GRM3: variants seen among roughly 807,000 people sequenced by gnomAD.
The protein encoded by GRM3 is glutamate metabotropic receptor 3, also known as metabotropic glutamate receptor 3.
In GRM3, 26 loss-of-function variants were observed where a neutral mutation model predicts 70.5. The observed-to-expected ratio is 0.37, with a 90% CI of 0.27 to 0.51. The LOEUF (loss-of-function observed/expected upper bound fraction) is 0.51, where lower values mean the gene tolerates loss of function less well. Among genes scored for constraint, GRM3 ranks in the 20% least tolerant of loss-of-function variants. The pLI is 0.93. For synonymous variants in GRM3, 443 were observed against 434.9 expected (o/e 1.02, Z -0.23); for missense variants, 859 against 1,123.8 (o/e 0.76, Z 3.37).
chr7:86,799,949 A>G (rs1179781986), intron 3 of GRM3, among the ~76,000 whole-genome samples: 1 of 152,204 alleles, frequency 6.6e-6, no homozygotes, highest in Non-Finnish European at 1.5e-5. Flanking sequence ...TGATTTGTAT[A>G]TGTTGAACCA....
intron 3 of GRM3, among the ~76,000 whole-genome samples, chr7:86,833,943 G>A (rs1798406943): frequency 6.6e-6 from 1 of 152,092 alleles, no homozygotes; most frequent in African/African-American, 2.4e-5. Flanking sequence ...AACAAATTTA[G>A]TAAAAGGTAA....
chr7:86,657,288 A>G lies in GRM3; in HGVS notation c.-141+12416A>G, dbSNP rs1314067030. 2.0e-5 allele frequency among the ~76,000 whole-genome samples: 3 copies of G among 152,222 alleles called. No individual in the cohort carries two copies. In the East Asian group the frequency reaches 5.8e-4, roughly 29 times the overall value. Reference sequence around the variant, plus strand: ...AATGTAAAATCTTATAGGAGAGATGAGATATGTGCATGTGTACCTACAGTA... The same window carrying G: ...AATGTAAAATCTTATAGGAGAGATGGGATATGTGCATGTGTACCTACAGTA... On this transcript the variant is annotated intron_variant, in intron 1 of 5. Transcript: ENST00000361669.
chr7:86,651,259 T>C (rs2115773639), intron 1 of GRM3, among the ~76,000 whole-genome samples: 1 of 152,340 alleles, frequency 6.6e-6, no homozygotes, highest in African/African-American at 2.4e-5. Context: ...CTTTCTCTGA[T>C]TTGTGATATG....
chr7:86,845,905 T>C (rs571202440), intron 4 of GRM3, among the ~76,000 whole-genome samples: 18 of 152,340 alleles, frequency 1.2e-4, no homozygotes, highest in African/African-American at 4.1e-4. Context: ...TATAGCTTTC[T>C]GGCTGGAACT....
intron 3 of GRM3, among the ~76,000 whole-genome samples, chr7:86,828,716 T>G (rs1489415578): frequency 6.6e-6 from 1 of 152,210 alleles, no homozygotes; most frequent in Non-Finnish European, 1.5e-5. Flanking sequence ...GGGTGGTGGT[T>G]GCTGAAGACT....
At chr7:86,780,954 G>A (rs149740813) in intron 2 of GRM3, among the ~76,000 whole-genome samples, 1 of 152,270 alleles carries the variant, frequency 6.6e-6, no homozygotes, top group East Asian at 1.9e-4. Flanking sequence ...ATAGTGAGAG[G>A]AATCCATTAC....
intron 1 of GRM3, among the ~76,000 whole-genome samples, chr7:86,755,627 G>A (rs1268262320): frequency 1.3e-5 from 2 of 152,098 alleles, no homozygotes; most frequent in African/African-American, 2.4e-5. Flanking sequence ...GTACCAGTGT[G>A]TGCCAGCTGG....
chr7:86,748,751 A>G (rs1000881647), intron 1 of GRM3, among the ~76,000 whole-genome samples: 2 of 152,070 alleles, frequency 1.3e-5, no homozygotes, highest in Non-Finnish European at 2.9e-5. Context: ...GAAATTTTTC[A>G]TAGAATAGGG....
At chr7:86,794,362 A>G (rs532581410) in intron 3 of GRM3, among the ~76,000 whole-genome samples, 5 of 152,348 alleles carry the variant, frequency 3.3e-5, no homozygotes, top group African/African-American at 9.6e-5. Flanking sequence ...TAGCAATCAC[A>G]TACTGAAATA....
At chr7:86,698,787 C>T (rs1351551872) in intron 1 of GRM3, among the ~76,000 whole-genome samples, 1 of 151,948 alleles carries the variant, frequency 6.6e-6, no homozygotes, top group African/African-American at 2.4e-5. Flanking sequence ...CAGAAAAGGG[C>T]CATAGCAGCA....
intron 1 of GRM3, among the ~76,000 whole-genome samples, chr7:86,743,343 G>A (rs2116328935): frequency 6.6e-6 from 1 of 152,036 alleles, no homozygotes; most frequent in Admixed American, 6.6e-5. Context: ...TCCTCCCCCA[G>A]CCACACACAG....
chr7:86,795,288 AT>A (rs1797522810), intron 3 of GRM3, among the ~76,000 whole-genome samples: 1 of 149,124 alleles, frequency 6.7e-6, no homozygotes, highest in Non-Finnish European at 1.5e-5. Context: ...ATTTTATTTT[AT>A]TTTATTTTAT....
intron 5 of GRM3, 29 bp from the exon 6 acceptor site, chr7:86,864,253 T>C (rs1406467876): frequency 8.7e-6 from 10 of 1,143,906 alleles, no homozygotes; most frequent in Non-Finnish European, 1.3e-5. Flanking sequence ...TGACTAACTT[T>C]GAGTTTTCTG....
At chr7:86,725,458 C>T (rs926059968) in intron 1 of GRM3, among the ~76,000 whole-genome samples, 7 of 152,098 alleles carry the variant, frequency 4.6e-5, no homozygotes, top group African/African-American at 7.2e-5. Context: ...CAATGACAGG[C>T]GGAGGCTGCA....
chr7:86,839,003 A>C lies in GRM3; in HGVS notation c.1489A>C (p.Ile497Leu), dbSNP rs1285913413. ...AACCTTATCGCTAGATGTCAACTCT[A>C]TCCACTGGTCCCGGAACTCAGTCCC... ...AETLSLDVNS[I>L]HWSRNSVPTS... is the part of the protein sequence containing the mutation. The change falls in exon 4 of 6, where the codon ATC becomes CTC. Residue 497 changes from isoleucine to leucine, a missense_variant. Ile to Leu is a conservative substitution (Grantham distance 5). Coordinates refer to ENST00000361669, the MANE Select transcript of GRM3 (RefSeq NM_000840.3). The surrounding 1 kb of genome is among the most constrained non-coding windows in gnomAD (Gnocchi z 4.5). 6.2e-7 allele frequency: 1 copy of C among 1,614,120 alleles called. No homozygotes were observed. Among genetic ancestry groups the C allele is most frequent in the Non-Finnish European group, 8.5e-7 (1 of 1,179,982 alleles).
At chr7:86,769,592 G>A (rs962749347) in intron 2 of GRM3, among the ~76,000 whole-genome samples, 3 of 152,000 alleles carry the variant, frequency 2.0e-5, no homozygotes, top group Admixed American at 6.6e-5. Flanking sequence ...AAACTTTTCC[G>A]GAAGGCAGCA....
intron 3 of GRM3, among the ~76,000 whole-genome samples, chr7:86,810,125 T>A (rs1445413493): frequency 6.6e-6 from 1 of 152,060 alleles, no homozygotes; most frequent in Non-Finnish European, 1.5e-5. Flanking sequence ...GATCTCCTGC[T>A]CTTTGGTTTG....
At chr7:86,810,918 C>T (rs1941408102) in intron 3 of GRM3, among the ~76,000 whole-genome samples, 1 of 151,956 alleles carries the variant, frequency 6.6e-6, no homozygotes, top group Non-Finnish European at 1.5e-5. Context: ...TTCACTAAAT[C>T]ACCATGGATC....
chr7:86,667,707 A>T (rs187153441), intron 1 of GRM3, among the ~76,000 whole-genome samples: 1 of 152,286 alleles, frequency 6.6e-6, no homozygotes, highest in Admixed American at 6.5e-5. Flanking sequence ...CTTTTATATT[A>T]GTCACCTCTG....
Sources: allele counts gnomAD v4.1 joint callset (sites outside exome capture counted in the v4.1 genomes callset), GRCh38; gene constraint gnomAD v4.1.1; non-coding constraint Gnocchi (gnomAD v3.1); transcripts MANE v1.5; gene names NCBI Gene and HGNC (gene_info 2026-07-23, HGNC 2026-07-21).